PTPRT: variants seen among roughly 807,000 people sequenced by gnomAD.
PTPRT encodes the protein protein tyrosine phosphatase receptor type T, also known as receptor-type tyrosine-protein phosphatase T.
Under a neutral mutation model 176.8 loss-of-function variants are expected in PTPRT, and 56 were observed. That is an observed-to-expected ratio of 0.32 (90% CI 0.26 to 0.40). PTPRT has a LOEUF of 0.40. Ranked by LOEUF, PTPRT falls within the 10% of genes least tolerant of loss-of-function variation. PTPRT has a pLI of 1.00. For missense variants in PTPRT, 1,540 were observed against 1,908.2 expected, an observed-to-expected ratio of 0.81 and a Z score of 3.60; for synonymous variants, 783 against 739.0, an observed-to-expected ratio of 1.06 and a Z score of -0.96.
chr20:42,887,590 A>G (rs1234971621), intron 1 of PTPRT, among the ~76,000 whole-genome samples: 1 of 152,198 alleles, frequency 6.6e-6, no homozygotes, highest in Non-Finnish European at 1.5e-5. Flanking sequence ...TGTCTCCATC[A>G]GCTGCAAAGA....
At chr20:42,623,555 G>GCTT in intron 7 of PTPRT, among the ~76,000 whole-genome samples, 1 of 152,208 alleles carries the variant, frequency 6.6e-6, no homozygotes, top group East Asian at 1.9e-4. Context: ...ATGAAATGGT[G>GCTT]ATAGAATTCA....
chr20:43,058,625 A>AAAG (rs1987335596), intron 1 of PTPRT, among the ~76,000 whole-genome samples: 2 of 152,202 alleles, frequency 1.3e-5, no homozygotes, highest in African/African-American at 2.4e-5. Flanking sequence ...TAAACGCTTC[A>AAAG]TGCAAAATAA....
At chr20:42,282,566 A>AGTTATATAAAATT in intron 12 of PTPRT, 41 bp from the exon 13 acceptor site, 2 of 1,538,928 alleles carry the variant, frequency 1.3e-6, no homozygotes, top group Non-Finnish European at 1.8e-6. Context: ...ATTAGCTGTG[A>AGTTATATAAAATT]GTTATATAAA....
intron 1 of PTPRT, among the ~76,000 whole-genome samples, chr20:43,180,741 G>C (rs181054316): frequency 6.6e-6 from 1 of 152,220 alleles, no homozygotes; most frequent in East Asian, 1.9e-4. Flanking sequence ...GGAATTACAA[G>C]CGTGAGCCAC....
Position 42,254,278 on chromosome 20 carries a change from G to A in PTPRT, c.2177-5456C>T, listed in dbSNP as rs372524054. Among the ~76,000 whole-genome samples, 25 of 152,298 alleles carry A rather than the reference G, an allele frequency of 1.6e-4. No homozygotes were observed. The East Asian group carries it at 4.5e-3, about 27-fold the overall frequency. On this transcript the variant is annotated intron_variant, in intron 13 of 30. Transcript: ENST00000373187. ...CCTCCAGAGTGAAGACAGGCCATGA[G>A]CCTTGCTACTCAAAAAGTGGTCCAT... is the stretch of plus-strand genomic sequence containing the variant.
intron 7 of PTPRT, among the ~76,000 whole-genome samples, chr20:42,507,779 A>G (rs1191230580): frequency 6.6e-6 from 1 of 151,886 alleles, no homozygotes; most frequent in East Asian, 1.9e-4. Context: ...GGGTTGCAAC[A>G]GCAGCCAGAG....
intron 30 of PTPRT, among the ~76,000 whole-genome samples, chr20:42,081,466 T>A (rs1285692754): frequency 2.6e-5 from 4 of 152,146 alleles, no homozygotes; most frequent in Non-Finnish European, 5.9e-5. Context: ...GCCCACACAC[T>A]CTCTTTATCA....
At chr20:42,885,990 C>A in intron 1 of PTPRT, 58 bp from the exon 2 acceptor site, 1 of 1,454,150 alleles carries the variant, frequency 6.9e-7, no homozygotes, top group Non-Finnish European at 9.2e-7. Flanking sequence ...TGGTTCGTTA[C>A]CTCTGTCTCG....
At chr20:42,804,478 G>A (rs973842140) in intron 2 of PTPRT, among the ~76,000 whole-genome samples, 8 of 152,272 alleles carry the variant, frequency 5.3e-5, no homozygotes, top group Non-Finnish European at 1.2e-4. Flanking sequence ...GTAGAACCTA[G>A]ACCCAGATGG....
At chr20:42,362,680 A>G (rs1375017356) in intron 9 of PTPRT, among the ~76,000 whole-genome samples, 1 of 152,186 alleles carries the variant, frequency 6.6e-6, no homozygotes, top group African/African-American at 2.4e-5. Flanking sequence ...GTATCTATCA[A>G]TGTTAATTTC....
intron 15 of PTPRT, among the ~76,000 whole-genome samples, chr20:42,212,493 CT>C (rs2055667605): frequency 6.7e-6 from 1 of 150,062 alleles, no homozygotes; most frequent in Admixed American, 6.6e-5. Flanking sequence ...GGAGAATGCA[CT>C]GTTTTCCCTC....
At chr20:43,137,424 G>C (rs374221139) in intron 1 of PTPRT, among the ~76,000 whole-genome samples, 1 of 152,228 alleles carries the variant, frequency 6.6e-6, no homozygotes, top group East Asian at 1.9e-4. Flanking sequence ...ACAGGACTGA[G>C]TAGTTGTGAC....
chr20:42,404,987 T>TATATATATATATATATAC (rs1555843282), intron 9 of PTPRT, among the ~76,000 whole-genome samples: 10 of 135,898 alleles, frequency 7.4e-5, no homozygotes, highest in African/African-American at 2.4e-4. Context: ...TATATATATA[T>TATATATATATATATATAC]ACACACACAC....
chr20:42,487,853 ATTTCTGTATGTT>A (rs1413883671), intron 7 of PTPRT, among the ~76,000 whole-genome samples: 4 of 152,122 alleles, frequency 2.6e-5, no homozygotes, highest in African/African-American at 7.2e-5. Flanking sequence ...TGCTCTGCTT[ATTTCTGTATGTT>A]TATTGACACT....
chr20:43,075,084 G>A (rs2011241056), intron 1 of PTPRT, among the ~76,000 whole-genome samples: 1 of 152,200 alleles, frequency 6.6e-6, no homozygotes. Flanking sequence ...CATGAACAGT[G>A]TTTTGTTTTT....
intron 7 of PTPRT, among the ~76,000 whole-genome samples, chr20:42,660,838 TTTTG>T (rs765086639): frequency 8.3e-4 from 126 of 152,068 alleles, no homozygotes; most frequent in African/African-American, 2.8e-3. Flanking sequence ...AAACAGTGTT[TTTTG>T]TTTGTTTGTT....
chr20:42,291,005 T>C (rs2057308336), intron 12 of PTPRT, among the ~76,000 whole-genome samples: 1 of 152,170 alleles, frequency 6.6e-6, no homozygotes, highest in Non-Finnish European at 1.5e-5. Context: ...GATTTAACCC[T>C]GATCCCATAG....
intron 6 of PTPRT, among the ~76,000 whole-genome samples, chr20:42,686,596 G>C (rs1454489470): frequency 6.8e-6 from 1 of 147,958 alleles, no homozygotes; most frequent in Non-Finnish European, 1.5e-5. Flanking sequence ...TGATTCTCCT[G>C]CCTCAGCCTC....
chr20:43,167,022 C>T (rs1768516552), intron 1 of PTPRT, among the ~76,000 whole-genome samples: 1 of 152,160 alleles, frequency 6.6e-6, no homozygotes, highest in Non-Finnish European at 1.5e-5. Context: ...TGCCTGGCAT[C>T]TTGACATTCA....
Sources: gnomAD v4.1 joint callset for allele counts (sites outside exome capture counted in the v4.1 genomes callset) on GRCh38, gnomAD v4.1.1 for gene constraint, MANE v1.5 for transcripts, NCBI Gene and HGNC (gene_info 2026-07-23, HGNC 2026-07-21) for gene names.